Variants in ATP8A1 observed in about 807,000 individuals in gnomAD.
ATP8A1 encodes phospholipid-transporting ATPase IA.
In ATP8A1, 90 loss-of-function variants were observed where a neutral mutation model predicts 177.7. The ratio of observed to expected loss-of-function variants is 0.51; its 90% CI spans 0.43 to 0.60. The LOEUF is 0.60. Ranked by LOEUF, ATP8A1 falls within the 20% of genes least tolerant of loss-of-function variation. The probability of loss-of-function intolerance (pLI) is 0.00; values close to 1 mark genes in which losing one functional copy is unlikely to be tolerated. For missense variants in ATP8A1, 1,072 were observed against 1,392.8 expected (o/e 0.77, Z 3.67); for synonymous variants, 493 against 485.9 (o/e 1.01, Z -0.19).
chr4:42,543,385 T>A (rs1424727753), intron 20 of ATP8A1, among the ~76,000 whole-genome samples: 1 of 152,158 alleles, frequency 6.6e-6, no homozygotes, highest in East Asian at 1.9e-4. Flanking sequence ...CCCATGAGTA[T>A]AAATATATTT....
intron 5 of ATP8A1, among the ~76,000 whole-genome samples, chr4:42,602,274 A>C (rs1219085582): frequency 6.6e-6 from 1 of 152,212 alleles, no homozygotes; most frequent in East Asian, 1.9e-4. Context: ...ATCCTGAAAC[A>C]CAAGACTCTA....
At chr4:42,463,340 T>C (rs1285994064) in intron 27 of ATP8A1, among the ~76,000 whole-genome samples, 1 of 152,172 alleles carries the variant, frequency 6.6e-6, no homozygotes, top group Non-Finnish European at 1.5e-5. Context: ...AATAACCATC[T>C]TGAGGTCTGA....
At chr4:42,508,866 A>G (rs1477749739) in intron 22 of ATP8A1, among the ~76,000 whole-genome samples, 1 of 152,260 alleles carries the variant, frequency 6.6e-6, no homozygotes, top group Non-Finnish European at 1.5e-5. Flanking sequence ...GATAACAAAG[A>G]AAGCCATTTT....
intron 20 of ATP8A1, among the ~76,000 whole-genome samples, chr4:42,527,497 G>A (rs1726799033): frequency 6.6e-6 from 1 of 152,116 alleles, no homozygotes; most frequent in African/African-American, 2.4e-5. Context: ...TTCCACTTTT[G>A]TCTGAGGAGA....
At chr4:42,492,800 C>T (rs1722859385) in intron 24 of ATP8A1, among the ~76,000 whole-genome samples, 1 of 152,216 alleles carries the variant, frequency 6.6e-6, no homozygotes, top group Non-Finnish European at 1.5e-5. Flanking sequence ...CAACAAATCA[C>T]TTTTGGAAGA....
At chr4:42,653,957 T>C (rs983636631) in intron 1 of ATP8A1, among the ~76,000 whole-genome samples, 5 of 152,216 alleles carry the variant, frequency 3.3e-5, no homozygotes, top group Middle Eastern at 3.2e-3. Context: ...ACTACAGAAA[T>C]AGATGTCAGT....
rs1481905095 is a variant in ATP8A1 at position 42,657,089 on chromosome 4, G to A, written c.-216C>T. ...GGCGGCGAAGGTGGCGGCGCCCGCAGAGCTGGGCGAGCTCTTGCTGCAGCC... is the reference window on the plus strand; with the variant it reads ...GGCGGCGAAGGTGGCGGCGCCCGCAAAGCTGGGCGAGCTCTTGCTGCAGCC... On this transcript the variant is annotated 5_prime_UTR_variant, in exon 1 of 37. Coordinates refer to ENST00000381668, the MANE Select transcript of ATP8A1 (RefSeq NM_006095.2). 3 of 403,062 alleles carry A rather than the reference G, an allele frequency of 7.4e-6. No homozygotes were observed. The highest frequency in any genetic ancestry group is 8.5e-6 in the Non-Finnish European group (2 of 236,146). The allele number at this position is 403,062 out of a possible 1,614,324, so 25.0% of individuals were successfully genotyped here. A position where few individuals can be genotyped will look rare whatever the true frequency, so the allele number is the denominator to read the frequency against.
chr4:42,457,434 C>A (rs1041539408), intron 27 of ATP8A1, among the ~76,000 whole-genome samples: 2 of 152,120 alleles, frequency 1.3e-5, no homozygotes, highest in African/African-American at 4.8e-5. Flanking sequence ...TTTCAGATTT[C>A]TTAAGGTATG....
chr4:42,511,390 G>C, intron 22 of ATP8A1, among the ~76,000 whole-genome samples: 1 of 152,070 alleles, frequency 6.6e-6, no homozygotes, highest in East Asian at 1.9e-4. Context: ...TATTCAGCAA[G>C]TGTTGAAATG....
chr4:42,518,644 G>A (rs1725810607), intron 22 of ATP8A1, among the ~76,000 whole-genome samples: 1 of 152,188 alleles, frequency 6.6e-6, no homozygotes, highest in South Asian at 2.1e-4. Context: ...GACCCTCACA[G>A]TTTAAAGATT....
Position 42,485,562 on chromosome 4 carries a change from A to G in ATP8A1, c.2258T>C (p.Leu753Ser). 6.2e-7 allele frequency: 1 copy of G among 1,613,878 alleles called. No individual in the cohort carries two copies. Among genetic ancestry groups the G allele is most frequent in the Non-Finnish European group, 8.5e-7 (1 of 1,179,844 alleles). ...GAAATACTGTCGTACTCCAAAGGTT[A>G]AGGCATATTTGAGGGTTTTCCCATC... ...IIDGKTLKYA[L>S]TFGVRQYFLD... The change falls in exon 25 of 37, where the codon TTA becomes TCA. Residue 753 changes from leucine (L) to serine (S), a missense_variant. Around this residue, in one of 5 missense-constraint regions of ATP8A1, gnomAD observed 388 missense variants for 471.7 expected, o/e 0.82. Transcript: ENST00000381668.
chr4:42,538,362 A>T (rs1728049009), intron 20 of ATP8A1, among the ~76,000 whole-genome samples: 1 of 152,224 alleles, frequency 6.6e-6, no homozygotes, highest in Admixed American at 6.5e-5. Context: ...GCTTAGGCAA[A>T]GACTTCATGA....
At chr4:42,472,355 T>C (rs1004458261) in intron 25 of ATP8A1, 2 of 414,396 alleles carry the variant, frequency 4.8e-6, no homozygotes, top group Non-Finnish European at 9.4e-6. Context: ...GATGTTAATT[T>C]TGAATTCCCA....
At chr4:42,467,757 T>C (rs1719948724) in intron 25 of ATP8A1, among the ~76,000 whole-genome samples, 1 of 152,180 alleles carries the variant, frequency 6.6e-6, no homozygotes, top group Non-Finnish European at 1.5e-5. Context: ...TCCCTGACCA[T>C]TAGTGATGTC....
At chr4:42,638,987 G>A (rs1025133637) in intron 1 of ATP8A1, among the ~76,000 whole-genome samples, 1 of 152,168 alleles carries the variant, frequency 6.6e-6, no homozygotes, top group Non-Finnish European at 1.5e-5. Context: ...GTTTTTGACT[G>A]TCAAAGGGGA....
At chr4:42,521,175 T>C (rs1726090296) in intron 22 of ATP8A1, among the ~76,000 whole-genome samples, 1 of 152,204 alleles carries the variant, frequency 6.6e-6, no homozygotes, top group Non-Finnish European at 1.5e-5. Context: ...GCTAGTTTGA[T>C]TCTATGCAAT....
At chr4:42,451,765 C>A (rs4368644) in intron 30 of ATP8A1, among the ~76,000 whole-genome samples, 144,180 of 152,280 alleles carry the variant, frequency 0.95, 68,724 homozygotes, top group Non-Finnish European at 1. Flanking sequence ...AAACATGAGA[C>A]GTAAAGAAGA....
At chr4:42,569,228 CAGAA>C (rs1731666929) in intron 14 of ATP8A1, 23 bp from the exon 15 acceptor site, 3 of 1,590,792 alleles carry the variant, frequency 1.9e-6, no homozygotes, top group Non-Finnish European at 1.7e-6. Context: ...AGAAGAGAGG[CAGAA>C]AGAGAGGAAA....
intron 1 of ATP8A1, among the ~76,000 whole-genome samples, chr4:42,650,392 T>C (rs183920253): frequency 6.6e-6 from 1 of 152,326 alleles, no homozygotes; most frequent in East Asian, 1.9e-4. Context: ...ATGTTTCCTT[T>C]GGGACCTCCT....
Sources: allele counts gnomAD v4.1 joint callset (sites outside exome capture counted in the v4.1 genomes callset), GRCh38; gene constraint gnomAD v4.1.1; regional missense constraint gnomAD v4.1.1; transcripts MANE v1.5; gene names NCBI Gene and HGNC (gene_info 2026-07-23, HGNC 2026-07-21).